ATRNL1: variants seen among roughly 807,000 people sequenced by gnomAD.
ATRNL1 encodes the protein attractin-like protein 1.
In ATRNL1, 95 loss-of-function variants were observed where a neutral mutation model predicts 182.7. The observed-to-expected ratio is 0.52, with a 90% CI of 0.44 to 0.62. The LOEUF (loss-of-function observed/expected upper bound fraction) is 0.62. Among genes scored for constraint, ATRNL1 ranks in the 20% least tolerant of loss-of-function variants. ATRNL1 has a pLI of 0.00. For missense variants in ATRNL1, 1,471 were observed against 1,679.5 expected, an observed-to-expected ratio of 0.88 and a Z score of 2.17; for synonymous variants, 576 against 568.3, an observed-to-expected ratio of 1.01 and a Z score of -0.19.
At chr10:115,191,981 A>G (rs1381843258) in intron 8 of ATRNL1, among the ~76,000 whole-genome samples, 2 of 152,016 alleles carry the variant, frequency 1.3e-5, no homozygotes, top group Non-Finnish European at 2.9e-5. Context: ...ACAACTTTGT[A>G]TATTCTGGTT....
At chr10:115,613,824 TC>T (rs1857288820) in intron 26 of ATRNL1, among the ~76,000 whole-genome samples, 1 of 152,066 alleles carries the variant, frequency 6.6e-6, no homozygotes, top group Non-Finnish European at 1.5e-5. Context: ...CATATTTTTT[TC>T]TAAATGGTCT....
At chr10:115,916,339 A>G (rs1168427655) in intron 28 of ATRNL1, among the ~76,000 whole-genome samples, 3 of 152,218 alleles carry the variant, frequency 2.0e-5, no homozygotes, top group Admixed American at 6.5e-5. Context: ...TACAATGCCT[A>G]TTGGGCTCTG....
chr10:115,815,857 C>T (rs1389134110), intron 27 of ATRNL1, among the ~76,000 whole-genome samples: 16 of 152,020 alleles, frequency 1.1e-4, no homozygotes, highest in Admixed American at 8.5e-4. Context: ...GATTTCCTGC[C>T]TTATAATTCT....
chr10:115,848,486 A>G (rs1051079149), intron 28 of ATRNL1, among the ~76,000 whole-genome samples: 2 of 152,144 alleles, frequency 1.3e-5, no homozygotes, highest in Non-Finnish European at 2.9e-5. Flanking sequence ...TAGGTTTAAG[A>G]TATGCCATTG....
rs1431458508 is a variant in ATRNL1 at position 115,869,808 on chromosome 10, C to T, written c.4018+21817C>T. Reference sequence around the variant, plus strand: ...TCATTTTTTAATGAAGTTCTGTATTCTGCATTTTTGCTGAATGTTATAAAA... The same window carrying T: ...TCATTTTTTAATGAAGTTCTGTATTTTGCATTTTTGCTGAATGTTATAAAA... On this transcript the variant is annotated intron_variant, in intron 28 of 28. Coordinates refer to ENST00000355044, the MANE Select transcript of ATRNL1 (RefSeq NM_207303.4). Among the ~76,000 whole-genome samples, 5 of 151,910 alleles carry T rather than the reference C, an allele frequency of 3.3e-5. No homozygotes were observed. The East Asian group carries it at 9.7e-4, about 29-fold the overall frequency.
intron 13 of ATRNL1, among the ~76,000 whole-genome samples, chr10:115,275,015 C>T (rs1352504227): frequency 6.6e-6 from 1 of 152,166 alleles, no homozygotes; most frequent in Non-Finnish European, 1.5e-5. Flanking sequence ...TCCTTTAAGT[C>T]CTTGATTGTG....
intron 28 of ATRNL1, among the ~76,000 whole-genome samples, chr10:115,937,635 T>A (rs111923298): frequency 2.6e-5 from 4 of 152,350 alleles, no homozygotes; most frequent in South Asian, 2.1e-4. Context: ...CATCAAAGTT[T>A]CCCAAAGTCA....
chr10:115,189,113 C>A (rs111450317), intron 8 of ATRNL1, among the ~76,000 whole-genome samples: 2 of 151,998 alleles, frequency 1.3e-5, no homozygotes, highest in African/African-American at 2.4e-5. Context: ...TGAAAAATTC[C>A]TATCCCTGGA....
rs1949084442 is a variant in ATRNL1 at position 115,774,888 on chromosome 10, T to TA, written c.3903+47536dup. On this transcript the variant is annotated intron_variant, in intron 27 of 28. Coordinates refer to ENST00000355044, the MANE Select transcript of ATRNL1 (RefSeq NM_207303.4). ...GTCATGGTTTGTTTTTTTTTTTATGTAAAGCTGTCTTTTCTTCTTCTCACC... is the reference window on the plus strand; with the variant it reads ...GTCATGGTTTGTTTTTTTTTTTATGTAAAAGCTGTCTTTTCTTCTTCTCACC... 4.6e-5 allele frequency among the ~76,000 whole-genome samples: 7 copies of TA among 152,152 alleles called. No homozygotes were observed. In the South Asian group the frequency reaches 1.4e-3, roughly 32 times the overall value.
At chr10:115,833,509 T>C (rs1950602704) in intron 27 of ATRNL1, among the ~76,000 whole-genome samples, 1 of 152,170 alleles carries the variant, frequency 6.6e-6, no homozygotes, top group African/African-American at 2.4e-5. Flanking sequence ...GTTATTATTA[T>C]AGTAAGAGTG....
chr10:115,499,735 A>T (rs1849721074), intron 24 of ATRNL1, among the ~76,000 whole-genome samples: 2 of 152,268 alleles, frequency 1.3e-5, no homozygotes, highest in South Asian at 4.1e-4. Flanking sequence ...TCTCCAAAGG[A>T]GGCAATCAGA....
intron 24 of ATRNL1, among the ~76,000 whole-genome samples, chr10:115,504,453 C>T (rs572974504): frequency 6.6e-6 from 1 of 152,108 alleles, no homozygotes; most frequent in African/African-American, 2.4e-5. Context: ...TTATGGTAAT[C>T]TTACTAAATT....
chr10:115,701,682 C>G (rs1294469773), intron 26 of ATRNL1, among the ~76,000 whole-genome samples: 2 of 151,920 alleles, frequency 1.3e-5, no homozygotes, highest in East Asian at 3.9e-4. Context: ...TCTGTGCACA[C>G]AAATTATAAA....
At chr10:115,273,511 T>C (rs1851965378) in intron 13 of ATRNL1, among the ~76,000 whole-genome samples, 5 of 152,122 alleles carry the variant, frequency 3.3e-5, no homozygotes. Flanking sequence ...AGCCCATGAA[T>C]CCATACATAA....
At chr10:115,806,695 G>A (rs529601872) in intron 27 of ATRNL1, among the ~76,000 whole-genome samples, 1 of 152,144 alleles carries the variant, frequency 6.6e-6, no homozygotes, top group East Asian at 1.9e-4. Flanking sequence ...TGGTTAAGAA[G>A]GTAAATTCTA....
chr10:115,823,763 C>G (rs992748354), intron 27 of ATRNL1, among the ~76,000 whole-genome samples: 2 of 152,058 alleles, frequency 1.3e-5, no homozygotes, highest in Admixed American at 1.3e-4. Context: ...AACCACTGCT[C>G]AAGGAAATAA....
intron 26 of ATRNL1, among the ~76,000 whole-genome samples, chr10:115,629,128 T>A (rs1284105363): frequency 6.6e-6 from 1 of 152,174 alleles, no homozygotes; most frequent in African/African-American, 2.4e-5. Context: ...ATCCACAATG[T>A]TTTTAAATGA....
intron 21 of ATRNL1, among the ~76,000 whole-genome samples, chr10:115,448,520 G>T (rs1480151061): frequency 6.6e-6 from 1 of 152,086 alleles, no homozygotes; most frequent in Non-Finnish European, 1.5e-5. Context: ...ATATAGCTAA[G>T]GCAGTGTTAA....
chr10:115,217,251 GC>G (rs1849270697), intron 9 of ATRNL1, among the ~76,000 whole-genome samples: 1 of 152,182 alleles, frequency 6.6e-6, no homozygotes, highest in South Asian at 2.1e-4. Context: ...ACCATGCCCG[GC>G]TAATTTTTTA....
Sources: gnomAD v4.1 joint callset for allele counts (sites outside exome capture counted in the v4.1 genomes callset) on GRCh38, gnomAD v4.1.1 for gene constraint, MANE v1.5 for transcripts, NCBI Gene and HGNC (gene_info 2026-07-23, HGNC 2026-07-21) for gene names.